CNIH3: variants seen among roughly 807,000 people sequenced by gnomAD.
The protein encoded by CNIH3 is cornichon family AMPA receptor auxiliary protein 3, also known as protein cornichon homolog 3.
In CNIH3, 14 loss-of-function variants were observed where a neutral mutation model predicts 24.1. The observed-to-expected ratio is 0.58, with a 90% CI of 0.38 to 0.91. CNIH3 has a LOEUF of 0.91. Among genes scored for constraint, CNIH3 ranks in the 40% least tolerant of loss-of-function variants. The pLI, the probability that CNIH3 is intolerant of heterozygous loss-of-function variation, is 0.00. For synonymous variants in CNIH3, 68 were observed against 73.8 expected (o/e 0.92, Z 0.40); for missense variants, 178 against 196.8 (o/e 0.90, Z 0.57).
chr1:224,618,768 G>A (rs1683150231), intron 1 of CNIH3, among the ~76,000 whole-genome samples: 1 of 152,132 alleles, frequency 6.6e-6, no homozygotes, highest in African/African-American at 2.4e-5. Flanking sequence ...GATATTTGGG[G>A]GATGATTAAA....
chr1:224,725,635 A>T (rs7555611), intron 3 of CNIH3, among the ~76,000 whole-genome samples: 38,242 of 151,944 alleles, frequency 0.25, 4,925 homozygotes, highest in South Asian at 0.33. Context: ...GGTCCCAGGC[A>T]TGCTGACACC....
At chr1:224,600,384 G>A (rs563638977) in intron 3 of CNIH3, among the ~76,000 whole-genome samples, 1 of 152,060 alleles carries the variant, frequency 6.6e-6, no homozygotes, top group African/African-American at 2.4e-5. Context: ...TAGAGACGGT[G>A]TTTCTCCTTG....
At chr1:224,572,666 G>T (rs1680873102) in intron 4 of CNIH3, among the ~76,000 whole-genome samples, 1 of 150,682 alleles carries the variant, frequency 6.6e-6, no homozygotes, top group Non-Finnish European at 1.5e-5. Context: ...CCCAAAAAAT[G>T]CTGTTGGGAT....
In CNIH3 at chr1:224,453,619, A is replaced by G. The variant is rs530723759; in HGVS notation, n.203+18757A>G. ...GTGAGGTTGTTGCATGCCTTTGACAAGGTGGGATTTTTTTTTTTTTTAATT... is the reference window on the plus strand; with the variant it reads ...GTGAGGTTGTTGCATGCCTTTGACAGGGTGGGATTTTTTTTTTTTTTAATT... On this transcript the variant is annotated intron_variant and non_coding_transcript_variant, in intron 1 of 5. Transcript: ENST00000471578. 8.3e-3 allele frequency among the ~76,000 whole-genome samples: 1,024 copies of G among 123,408 alleles called. 9 individuals carry two copies. The highest frequency in any genetic ancestry group is 0.013 in the Non-Finnish European group (728 of 56,920). 81.0% of individuals were successfully genotyped at this position (123,408 alleles called of 152,430 possible).
chr1:224,720,966 G>T (rs1210934589), intron 3 of CNIH3, among the ~76,000 whole-genome samples: 1 of 152,130 alleles, frequency 6.6e-6, no homozygotes, highest in Admixed American at 6.5e-5. Flanking sequence ...GCCTTCCATA[G>T]TATAACTCAT....
chr1:224,549,885 A>C (rs991074452), intron 3 of CNIH3, among the ~76,000 whole-genome samples: 4 of 152,162 alleles, frequency 2.6e-5, no homozygotes, highest in African/African-American at 9.6e-5. Flanking sequence ...GCATGTAAAC[A>C]CTGGTTATTA....
downstream of CNIH3, chr1:224,537,071 C>T (rs1164511621): frequency 6.6e-6 from 1 of 152,152 alleles, no homozygotes; most frequent in Non-Finnish European, 1.5e-5. Context: ...GGCAAACCTG[C>T]CTCCCATTTA....
chr1:224,669,969 C>T (rs1685784051), intron 1 of CNIH3, among the ~76,000 whole-genome samples: 1 of 152,108 alleles, frequency 6.6e-6, no homozygotes, highest in African/African-American at 2.4e-5. Context: ...CCACACCCAA[C>T]AGTCTTCATT....
At chr1:224,484,983 C>A (rs1676970139) in intron 1 of CNIH3, among the ~76,000 whole-genome samples, 1 of 152,112 alleles carries the variant, frequency 6.6e-6, no homozygotes. Flanking sequence ...TTCTCCTCAC[C>A]AAGGGTCAGT....
chr1:224,498,833 G>A (rs546163013), intron 1 of CNIH3, among the ~76,000 whole-genome samples: 1 of 152,234 alleles, frequency 6.6e-6, no homozygotes, highest in East Asian at 1.9e-4. Context: ...CAGCAGAAAG[G>A]GCAGCGGGGA....
At chr1:224,668,920 C>CG (rs1054225296) in intron 1 of CNIH3, among the ~76,000 whole-genome samples, 3 of 146,174 alleles carry the variant, frequency 2.1e-5, no homozygotes, top group Admixed American at 6.9e-5. Flanking sequence ...GCTGGTGGAG[C>CG]GGGGGGATTC....
At chr1:224,618,425 C>G (rs1038257824) in intron 1 of CNIH3, among the ~76,000 whole-genome samples, 2 of 152,158 alleles carry the variant, frequency 1.3e-5, no homozygotes, top group Non-Finnish European at 2.9e-5. Flanking sequence ...TGGGGATGAC[C>G]CAAAATGAAG....
At chr1:224,637,719 T>G (rs1243062841) in intron 1 of CNIH3, among the ~76,000 whole-genome samples, 1 of 152,140 alleles carries the variant, frequency 6.6e-6, no homozygotes, top group African/African-American at 2.4e-5. Context: ...GTTGCTCACA[T>G]AGTTAGCATG....
At chr1:224,723,784 A>G (rs751169811) in intron 3 of CNIH3, among the ~76,000 whole-genome samples, 20 of 152,240 alleles carry the variant, frequency 1.3e-4, no homozygotes, top group Non-Finnish European at 2.6e-4. Context: ...AATTCTGGCC[A>G]TGGAAGGCCA....
At chr1:224,715,903 G>C (rs186268623) in intron 3 of CNIH3, among the ~76,000 whole-genome samples, 58 of 152,260 alleles carry the variant, frequency 3.8e-4, no homozygotes, top group Admixed American at 3.1e-3. Flanking sequence ...ATTTGGAGAG[G>C]TCAAACCTAA....
At chr1:224,475,389 A>T (rs983826448) in intron 1 of CNIH3, among the ~76,000 whole-genome samples, 4 of 151,848 alleles carry the variant, frequency 2.6e-5, no homozygotes, top group African/African-American at 9.7e-5. Context: ...AAAGAAAATC[A>T]GAGATGACAA....
intron 1 of CNIH3, among the ~76,000 whole-genome samples, chr1:224,674,349 C>A (rs1686030134): frequency 8.3e-6 from 1 of 119,966 alleles, no homozygotes; most frequent in Non-Finnish European, 1.6e-5. Flanking sequence ...ATAATGATTT[C>A]AGACAAGTGA....
chr1:224,477,239 A>G (rs192608875), intron 1 of CNIH3, among the ~76,000 whole-genome samples: 240 of 152,268 alleles, frequency 1.6e-3, no homozygotes, highest in African/African-American at 5.6e-3. Flanking sequence ...GTATGTTCCT[A>G]TGGTAGTTCT....
At chr1:224,641,303 A>G (rs1684348009) in intron 1 of CNIH3, among the ~76,000 whole-genome samples, 1 of 152,164 alleles carries the variant, frequency 6.6e-6, no homozygotes, top group Non-Finnish European at 1.5e-5. Context: ...CCACCAGTCA[A>G]TTCCCGGGGA....
Sources: gnomAD v4.1 joint callset for allele counts (sites outside exome capture counted in the v4.1 genomes callset) on GRCh38, gnomAD v4.1.1 for gene constraint, MANE v1.5 for transcripts, NCBI Gene and HGNC (gene_info 2026-07-23, HGNC 2026-07-21) for gene names.